PTPN4: variants seen among roughly 807,000 people sequenced by gnomAD.
The protein encoded by PTPN4 is tyrosine-protein phosphatase non-receptor type 4.
Under a neutral mutation model 135.5 loss-of-function variants are expected in PTPN4, and 49 were observed. The ratio of observed to expected loss-of-function variants is 0.36; its 90% confidence interval spans 0.29 to 0.46. The LOEUF is 0.46. PTPN4 is among the 20% of genes least tolerant of loss of function. The probability of loss-of-function intolerance (pLI) is 1.00; values close to 1 mark genes in which losing one functional copy is unlikely to be tolerated. For synonymous variants in PTPN4, 333 were observed against 369.9 expected (o/e 0.90, Z 1.14); for missense variants, 860 against 1,101.0 (o/e 0.78, Z 3.10).
intron 5 of PTPN4, among the ~76,000 whole-genome samples, chr2:119,881,522 T>G (rs1215957335): frequency 6.6e-6 from 1 of 152,192 alleles, no homozygotes; most frequent in Non-Finnish European, 1.5e-5. Context: ...CATGTAACTA[T>G]TTGAAATCTT....
At chr2:119,859,951 T>C (rs921504229) in intron 2 of PTPN4, among the ~76,000 whole-genome samples, 4 of 152,310 alleles carry the variant, frequency 2.6e-5, no homozygotes, top group Non-Finnish European at 5.9e-5. Flanking sequence ...AAAGCAGGCT[T>C]TTCTTGGGCT....
chr2:119,982,539 TTTTGC>T lies in PTPN4; in HGVS notation c.*5475_*5479del, dbSNP rs1679711160. On this transcript the variant is annotated 3_prime_UTR_variant, in exon 27 of 27. Coordinates refer to ENST00000263708, the MANE Select transcript of PTPN4 (RefSeq NM_002830.4). Reference sequence around the variant, plus strand: ...CAGATATAATGTACATTCTTTTTCATTTTGCTTTGCCTCTAGAATAGAAACTTTTC... The same window carrying T: ...CAGATATAATGTACATTCTTTTTCATTTTGCCTCTAGAATAGAAACTTTTC... 1.3e-5 allele frequency: 2 copies of T among 152,324 alleles called. No individual in the cohort carries two copies. Among genetic ancestry groups the T allele is most frequent in the South Asian group, 4.1e-4 (2 of 4,824 alleles). The allele number at this position is 152,324 out of a possible 1,614,324, so 9.4% of individuals were successfully genotyped here.
At chr2:119,786,141 C>A (rs1184663817) in intron 1 of PTPN4, among the ~76,000 whole-genome samples, 2 of 152,098 alleles carry the variant, frequency 1.3e-5, no homozygotes, top group Middle Eastern at 3.2e-3. Context: ...GGACTGGGTA[C>A]CAGTCCCTGG....
chr2:119,782,105 A>G (rs1690950112), intron 1 of PTPN4, among the ~76,000 whole-genome samples: 1 of 152,124 alleles, frequency 6.6e-6, no homozygotes, highest in South Asian at 2.1e-4. Flanking sequence ...AGCCAAATGT[A>G]GCCATTTAAA....
rs1240366435 is a variant in PTPN4 at position 119,788,191 on chromosome 2, G to A, written c.-17-21646G>A. Among the ~76,000 whole-genome samples the A allele has an allele frequency of 3.9e-5, 6 of 152,064 alleles. No homozygotes were observed. The East Asian group carries it at 1.2e-3, about 29-fold the overall frequency. ...AACTTGTTGTTTGCAAATTTTGACA[G>A]GGCTTTTGAAAATAGGTAATGTATT... On this transcript the variant is annotated intron_variant, in intron 1 of 26. Transcript: ENST00000263708.
intron 1 of PTPN4, among the ~76,000 whole-genome samples, chr2:119,777,269 G>T (rs1690853275): frequency 6.6e-6 from 1 of 152,118 alleles, no homozygotes; most frequent in African/African-American, 2.4e-5. Context: ...TATGCACATG[G>T]CTCACTCTTT....
At chr2:119,936,378 T>A (rs1003580279) in intron 15 of PTPN4, among the ~76,000 whole-genome samples, 1 of 152,170 alleles carries the variant, frequency 6.6e-6, no homozygotes, top group Non-Finnish European at 1.5e-5. Flanking sequence ...CTCACCCAGA[T>A]CTCACCTTGA....
intron 26 of PTPN4, among the ~76,000 whole-genome samples, chr2:119,974,753 G>A (rs371564714): frequency 1.3e-5 from 2 of 152,146 alleles, no homozygotes; most frequent in Non-Finnish European, 2.9e-5. Flanking sequence ...GAGCACTAAG[G>A]ACTTTTATTT....
chr2:119,975,302 C>G (rs1008990981), intron 26 of PTPN4, among the ~76,000 whole-genome samples: 1 of 152,028 alleles, frequency 6.6e-6, no homozygotes, highest in Non-Finnish European at 1.5e-5. Context: ...TTTTTGTAGA[C>G]ACAGGGTCTT....
chr2:119,775,555 A>G (rs1690820009), intron 1 of PTPN4, among the ~76,000 whole-genome samples: 1 of 152,226 alleles, frequency 6.6e-6, no homozygotes, highest in African/African-American at 2.4e-5. Context: ...AAGGACCTTT[A>G]GGGCTCATTA....
chr2:119,844,733 A>G, intron 2 of PTPN4, among the ~76,000 whole-genome samples: 3 of 126,830 alleles, frequency 2.4e-5, no homozygotes, highest in African/African-American at 6.1e-5. Flanking sequence ...CCTAGATGGG[A>G]TGGCGGCCGG....
intron 2 of PTPN4, among the ~76,000 whole-genome samples, chr2:119,835,264 A>C (rs1047176365): frequency 5.3e-5 from 8 of 152,134 alleles, no homozygotes; most frequent in African/African-American, 2.4e-5. Flanking sequence ...AGCTCACTGC[A>C]ACCTTCGTCC....
At chr2:119,855,981 T>G (rs1052645425) in intron 2 of PTPN4, among the ~76,000 whole-genome samples, 3 of 152,078 alleles carry the variant, frequency 2.0e-5, no homozygotes, top group Non-Finnish European at 4.4e-5. Context: ...ATTTTTTGTA[T>G]TTTTAGTGGA....
At position 119,945,158 on chromosome 2, in the gene PTPN4, T is replaced by C; in HGVS notation, c.1433T>C (p.Ile478Thr). Reference protein sequence around the residue: ...KQSKKNSWNQIHYSHSQQDLE... With the variant: ...KQSKKNSWNQTHYSHSQQDLE... The stretch of plus-strand genomic sequence containing the variant: ...TCAAAGAAAAACAGTTGGAACCAAA[T>C]TCATTATTCACATTCGCAACAAGAT... Residue 478 changes from isoleucine to threonine, a missense_variant, in exon 16 of 27, where the codon ATT (isoleucine) becomes ACT (threonine). Transcript: ENST00000263708. 6.2e-7 allele frequency: 1 copy of C among 1,600,994 alleles called. No individual in the cohort carries two copies.
intron 1 of PTPN4, among the ~76,000 whole-genome samples, chr2:119,809,196 T>G (rs1283448101): frequency 1.3e-5 from 2 of 152,058 alleles, no homozygotes; most frequent in Non-Finnish European, 2.9e-5. Context: ...AAACATCTAG[T>G]ATCGCTGATA....
intron 10 of PTPN4, among the ~76,000 whole-genome samples, chr2:119,913,875 G>C (rs897178175): frequency 6.6e-6 from 1 of 151,998 alleles, no homozygotes; most frequent in African/African-American, 2.4e-5. Flanking sequence ...AACGGTTATG[G>C]CTATATTACT....
At chr2:119,976,924 G>T (rs112972715) in intron 26 of PTPN4, 60 bp from the exon 27 acceptor site, 11 of 1,559,076 alleles carry the variant, frequency 7.1e-6, no homozygotes, top group East Asian at 6.9e-5. Context: ...TTTTTGGGGG[G>T]AGAGGGGACG....
rs2175329 is a variant in PTPN4 at position 119,858,680 on chromosome 2, G to A, written c.139-3856G>A. Among the ~76,000 whole-genome samples the A allele has an allele frequency of 1.8e-4, 27 of 150,986 alleles. No individual in the cohort carries two copies. The East Asian group carries it at 4.5e-3, about 25-fold the overall frequency. On this transcript the variant is annotated intron_variant, in intron 2 of 26. Transcript: ENST00000263708. ...TCTTTTTTTTTTGAGATGGAGTCTCGCTCTGTTGCCCAGGCTGGAGTGCAG... is the reference window on the plus strand; with the variant it reads ...TCTTTTTTTTTTGAGATGGAGTCTCACTCTGTTGCCCAGGCTGGAGTGCAG...
At chr2:119,972,736 A>G (rs1258984171) in intron 26 of PTPN4, among the ~76,000 whole-genome samples, 2 of 152,060 alleles carry the variant, frequency 1.3e-5, no homozygotes, top group African/African-American at 4.8e-5. Flanking sequence ...TCCCTTTGTT[A>G]CTTGTTCATT....
Sources: allele counts gnomAD v4.1 joint callset (sites outside exome capture counted in the v4.1 genomes callset), GRCh38; gene constraint gnomAD v4.1.1; transcripts MANE v1.5; gene names NCBI Gene and HGNC (gene_info 2026-07-23, HGNC 2026-07-21).